Variants in LUZP2 observed in about 807,000 individuals in gnomAD.
LUZP2 encodes the protein leucine zipper protein 2.
LUZP2 carries 52 observed loss-of-function variants against 51.6 expected under a neutral mutation model. The observed-to-expected ratio is 1.01, with a 90% CI of 0.81 to 1.27. The LOEUF (loss-of-function observed/expected upper bound fraction) is 1.27. Among genes scored for constraint, LUZP2 ranks in the 50% most tolerant of loss-of-function variants. The pLI, the probability that LUZP2 is intolerant of heterozygous loss-of-function variation, is 0.00. For synonymous variants in LUZP2, 154 were observed against 137.3 expected, an observed-to-expected ratio of 1.12 and a Z score of -0.85; for missense variants, 436 against 395.4, an observed-to-expected ratio of 1.10 and a Z score of -0.87.
chr11:25,018,771 C>G (rs12576999), intron 9 of LUZP2, among the ~76,000 whole-genome samples: 1 of 151,922 alleles, frequency 6.6e-6, no homozygotes, highest in African/African-American at 2.4e-5. Context: ...CCATGCCTGG[C>G]TAAGTTTTGT....
chr11:24,988,487 C>A (rs1366666157), intron 9 of LUZP2, among the ~76,000 whole-genome samples: 2 of 151,904 alleles, frequency 1.3e-5, no homozygotes, highest in African/African-American at 4.8e-5. Flanking sequence ...GGCATCACAG[C>A]CAATGTTCTT....
intron 10 of LUZP2, among the ~76,000 whole-genome samples, chr11:25,065,131 TG>T (rs372098129): frequency 1.2e-4 from 19 of 152,142 alleles, no homozygotes; most frequent in African/African-American, 3.6e-4. Flanking sequence ...TCTTAAACTA[TG>T]GGAAAGCTGC....
intron 9 of LUZP2, among the ~76,000 whole-genome samples, chr11:25,039,356 A>G (rs768917877): frequency 8.5e-5 from 13 of 152,118 alleles, no homozygotes; most frequent in Non-Finnish European, 1.8e-4. Context: ...TTGAGGCTAC[A>G]CTGTGTACAT....
At chr11:24,665,416 G>A (rs1042939824) in intron 1 of LUZP2, among the ~76,000 whole-genome samples, 1 of 152,128 alleles carries the variant, frequency 6.6e-6, no homozygotes, top group Non-Finnish European at 1.5e-5. Context: ...ATGCTGGAAT[G>A]AGTTAAGACT....
At chr11:24,744,333 T>C (rs1262034535) in intron 4 of LUZP2, among the ~76,000 whole-genome samples, 2 of 152,182 alleles carry the variant, frequency 1.3e-5, no homozygotes, top group Non-Finnish European at 2.9e-5. Context: ...TGTGAATCCA[T>C]CTGGTCCTAG....
At chr11:25,016,170 T>C (rs1857149554) in intron 9 of LUZP2, among the ~76,000 whole-genome samples, 1 of 152,078 alleles carries the variant, frequency 6.6e-6, no homozygotes, top group South Asian at 2.1e-4. Flanking sequence ...TCCGCCCACT[T>C]CGGCCTCCAA....
At chr11:24,677,052 A>G (rs1304686619) in intron 1 of LUZP2, among the ~76,000 whole-genome samples, 1 of 152,176 alleles carries the variant, frequency 6.6e-6, no homozygotes, top group East Asian at 1.9e-4. Flanking sequence ...GAATATAAGC[A>G]AGGGACTAAT....
At chr11:25,053,173 A>G (rs1030911236) in intron 10 of LUZP2, among the ~76,000 whole-genome samples, 2 of 152,160 alleles carry the variant, frequency 1.3e-5, no homozygotes, top group African/African-American at 2.4e-5. Context: ...CTGTGATCAA[A>G]TGAAGATGTA....
At chr11:24,682,624 A>ACATGCATGTG (rs1220377337) in intron 1 of LUZP2, among the ~76,000 whole-genome samples, 17 of 98,630 alleles carry the variant, frequency 1.7e-4, no homozygotes, top group East Asian at 8.8e-4. Flanking sequence ...GTGTATATAT[A>ACATGCATGTG]TATATACACA....
rs76700276 is a variant in LUZP2 at position 24,982,501 on chromosome 11, T to C, written c.598-625T>C. Among the ~76,000 whole-genome samples, 1,307 of 151,882 alleles carry C rather than the reference T, an allele frequency of 8.6e-3. 32 individuals are homozygous for C. In the East Asian group the frequency reaches 0.098, roughly 11 times the overall value. On this transcript the variant is annotated intron_variant, in intron 8 of 11. Transcript: ENST00000336930. ...GAGTCTATTATCCTTAGAAAACTAA[T>C]GCAGGTACAGAAAACTAAATACCCA...
At chr11:24,698,049 T>C (rs1353281465) in intron 1 of LUZP2, among the ~76,000 whole-genome samples, 2 of 152,112 alleles carry the variant, frequency 1.3e-5, no homozygotes, top group Non-Finnish European at 2.9e-5. Context: ...AAATTGTCCT[T>C]AAAAAATCCT....
chr11:25,023,350 T>G (rs1407235251), intron 9 of LUZP2, among the ~76,000 whole-genome samples: 1 of 152,158 alleles, frequency 6.6e-6, no homozygotes, highest in Non-Finnish European at 1.5e-5. Context: ...GGGATTCAAC[T>G]TCTTCCTGGT....
intron 1 of LUZP2, among the ~76,000 whole-genome samples, chr11:24,588,266 G>C (rs903140362): frequency 6.6e-6 from 1 of 152,010 alleles, no homozygotes; most frequent in African/African-American, 2.4e-5. Context: ...AGAAGAGAAA[G>C]TCAGGAATTA....
chr11:25,076,909 G>T (rs983237045), intron 10 of LUZP2, among the ~76,000 whole-genome samples: 1 of 152,034 alleles, frequency 6.6e-6, no homozygotes, highest in Non-Finnish European at 1.5e-5. Context: ...AAGACAGATT[G>T]GTGGTCACAT....
intron 1 of LUZP2, among the ~76,000 whole-genome samples, chr11:24,625,018 G>C (rs1443841015): frequency 6.6e-6 from 1 of 152,104 alleles, no homozygotes; most frequent in Non-Finnish European, 1.5e-5. Context: ...AGGAAATCCT[G>C]TCATTCCCAA....
chr11:24,793,032 C>T (rs530948090), intron 5 of LUZP2, among the ~76,000 whole-genome samples: 1 of 152,274 alleles, frequency 6.6e-6, no homozygotes, highest in South Asian at 2.1e-4. Flanking sequence ...TCTGTTAGAT[C>T]TGCATTTTAA....
rs568733508 is a variant in LUZP2, at chr11:24,765,526, T to C, written c.396+2218T>C. Among the ~76,000 whole-genome samples, 22 of 152,310 alleles carry C rather than the reference T, an allele frequency of 1.4e-4. No homozygotes were observed. The East Asian group carries it at 4.2e-3, about 29-fold the overall frequency. On this transcript the variant is annotated intron_variant, in intron 5 of 11. Transcript: ENST00000336930. ...TCTATTGAGACAACCGTATGGGTTT[T>C]GTTTTTAATTCTGGTTATGTGATGT...
chr11:24,986,213 T>TAACAG (rs566428036), intron 9 of LUZP2, among the ~76,000 whole-genome samples: 188 of 151,820 alleles, frequency 1.2e-3, no homozygotes, highest in Non-Finnish European at 2.1e-3. Context: ...ATTTACAGAA[T>TAACAG]TTGTACTATT....
At chr11:24,773,035 C>T (rs1160902944) in intron 5 of LUZP2, among the ~76,000 whole-genome samples, 1 of 151,050 alleles carries the variant, frequency 6.6e-6, no homozygotes, top group African/African-American at 2.4e-5. Context: ...ACTATTAAAC[C>T]ACTCCACCAT....
Sources: gnomAD v4.1 joint callset for allele counts (sites outside exome capture counted in the v4.1 genomes callset) on GRCh38, gnomAD v4.1.1 for gene constraint, MANE v1.5 for transcripts, NCBI Gene and HGNC (gene_info 2026-07-23, HGNC 2026-07-21) for gene names.